Variants in DYRK1A observed in about 807,000 individuals in gnomAD.
The protein encoded by DYRK1A is dual specificity tyrosine-phosphorylation-regulated kinase 1A.
In DYRK1A, 9 loss-of-function variants were observed where a neutral mutation model predicts 79.7. The observed-to-expected ratio is 0.11, with a 90% CI of 0.07 to 0.20. DYRK1A has a LOEUF of 0.20. Ranked by LOEUF, DYRK1A falls within the 10% of genes least tolerant of loss-of-function variation. The pLI, the probability that DYRK1A is intolerant of heterozygous loss-of-function variation, is 1.00. For synonymous variants in DYRK1A, 349 were observed against 329.7 expected (o/e 1.06, Z -0.63); for missense variants, 622 against 956.0 (o/e 0.65, Z 4.61).
At chr21:37,377,501 C>T (rs1004861907) in intron 1 of DYRK1A, among the ~76,000 whole-genome samples, 1 of 152,104 alleles carries the variant, frequency 6.6e-6, no homozygotes, top group Non-Finnish European at 1.5e-5. Flanking sequence ...GACAGAGTCT[C>T]GCTGTCACTG....
At position 37,457,024 on chromosome 21, in the gene DYRK1A, AC is replaced by A. The variant is rs1251234077; in HGVS notation, c.11-15659del. Among the ~76,000 whole-genome samples the A allele has an allele frequency of 7.9e-3, 568 of 71,638 alleles. 4 individuals are homozygous for A. Among genetic ancestry groups the A allele is most frequent in the African/African-American group, 0.025 (474 of 19,286 alleles). The allele number at this position is 71,638 out of a possible 152,430, so 47.0% of individuals were successfully genotyped here. On this transcript the variant is annotated intron_variant, in intron 2 of 11. Transcript: ENST00000647188. ...AGGTAAAAAGAAAATTTACTTACTT[AC>A]TTACTTACTTACTTATTTATTTATT...
chr21:37,503,121 C>T (rs1228247689), intron 9 of DYRK1A: 1 of 151,916 alleles, frequency 6.6e-6, no homozygotes, highest in Admixed American at 6.6e-5. Flanking sequence ...TATTTTTTCT[C>T]CTGGGAGTTC....
At chr21:37,371,075 T>C (rs2049419598) in intron 1 of DYRK1A, among the ~76,000 whole-genome samples, 1 of 152,234 alleles carries the variant, frequency 6.6e-6, no homozygotes, top group Non-Finnish European at 1.5e-5. Flanking sequence ...TGTGTTTAAT[T>C]ACTTGGAAAA....
At position 37,511,986 on chromosome 21, in the gene DYRK1A, C is replaced by T. The variant is rs767840456; in HGVS notation, c.1720C>T (p.Pro574Ser). 1.2e-6 allele frequency: 2 copies of T among 1,614,186 alleles called. No homozygotes were observed. Among genetic ancestry groups the T allele is most frequent in the South Asian group, 1.1e-5 (1 of 91,070 alleles). ...TACACAGGTCACTGTTGAAACTCAT[C>T]CTGTTCAAGAAACAACCTTTCATGT... ...APTQVTVETHPVQETTFHVAP... is the reference protein window; with the variant it reads ...APTQVTVETHSVQETTFHVAP... The change falls in exon 12 of 12, where the codon CCT (proline) becomes TCT (serine). Residue 574 changes from proline (P) to serine (S), a missense_variant. By Grantham distance (74) the Pro-to-Ser change is moderately conservative. This residue lies in a region of DYRK1A where 292 missense variants were observed against 316.7 expected (regional missense o/e 0.92). Coordinates refer to ENST00000647188, the MANE Select transcript of DYRK1A (RefSeq NM_001347721.2).
intron 1 of DYRK1A, among the ~76,000 whole-genome samples, chr21:37,385,697 T>C (rs945514418): frequency 3.9e-5 from 6 of 152,234 alleles, no homozygotes; most frequent in Non-Finnish European, 5.9e-5. Context: ...TTCTTTCTTA[T>C]CGCTTCATGA....
intron 1 of DYRK1A, among the ~76,000 whole-genome samples, chr21:37,418,579 C>T (rs2050403362): frequency 6.6e-6 from 1 of 152,088 alleles, no homozygotes; most frequent in African/African-American, 2.4e-5. Flanking sequence ...TTATATAGTT[C>T]ATAGCTAGAG....
At chr21:37,462,574 TC>T (rs1479784658) in intron 2 of DYRK1A, among the ~76,000 whole-genome samples, 1 of 152,186 alleles carries the variant, frequency 6.6e-6, no homozygotes, top group Non-Finnish European at 1.5e-5. Flanking sequence ...ATGGTCCTTC[TC>T]CCAGTGCTTG....
intron 1 of DYRK1A, among the ~76,000 whole-genome samples, chr21:37,399,209 G>T (rs574142128): frequency 1.3e-5 from 2 of 152,278 alleles, no homozygotes; most frequent in East Asian, 3.9e-4. Flanking sequence ...GAAGTGGTTG[G>T]CAATGGTGGG....
In DYRK1A at chr21:37,520,533, A is replaced by G. The variant is rs2053927392; in HGVS notation, c.*8002A>G. ...AAGTATCATCCTCTCCTTGTATCAA[A>G]TATAAGGACAAAAATGTCTTAGGAT... On this transcript the variant is annotated 3_prime_UTR_variant, in exon 12 of 12. Transcript: ENST00000647188. 6.6e-6 allele frequency: 1 copy of G among 152,170 alleles called. No individual in the cohort carries two copies. The highest frequency in any genetic ancestry group is 2.1e-4 in the South Asian group (1 of 4,828). The allele number at this position is 152,170 out of a possible 1,614,324, so 9.4% of individuals were successfully genotyped here.
chr21:37,452,550 AAT>A (rs1443228663), intron 2 of DYRK1A, among the ~76,000 whole-genome samples: 1 of 152,026 alleles, frequency 6.6e-6, no homozygotes, highest in Non-Finnish European at 1.5e-5. Context: ...TTAGCTTTGG[AAT>A]CTTTTCTATA....
rs543398188 is a variant in DYRK1A, at chr21:37,425,875, T to C, written c.10+5491T>C. ...TGAGGGTGTCTGATGGACCTGAGAA[T>C]AGGAGAACCCTAAGATAACCAACAG... On this transcript the variant is annotated intron_variant, in intron 2 of 11. Transcript: ENST00000647188. 1.4e-4 allele frequency: 22 copies of C among 152,322 alleles called. 1 individual carries two copies. The highest frequency in any genetic ancestry group is 1.0e-3 in the South Asian group (5 of 4,822). The allele number at this position is 152,322 out of a possible 1,614,324, so 9.4% of individuals were successfully genotyped here.
chr21:37,503,355 C>T (rs1045975816), intron 9 of DYRK1A: 4 of 152,076 alleles, frequency 2.6e-5, no homozygotes. Flanking sequence ...TCTTCTTGTT[C>T]ACTGATTTCT....
At chr21:37,478,951 C>T (rs1161988715) in intron 4 of DYRK1A, among the ~76,000 whole-genome samples, 2 of 152,112 alleles carry the variant, frequency 1.3e-5, no homozygotes, top group Admixed American at 1.3e-4. Flanking sequence ...GTGTCTTGGA[C>T]CATTGGCTTC....
chr21:37,394,331 A>G (rs2049922983), intron 1 of DYRK1A, among the ~76,000 whole-genome samples: 1 of 151,142 alleles, frequency 6.6e-6, no homozygotes, highest in African/African-American at 2.4e-5. Flanking sequence ...GTGTATTTCT[A>G]ACTTTTGCTA....
chr21:37,374,001 G>A (rs1019650742), intron 1 of DYRK1A, among the ~76,000 whole-genome samples: 14 of 152,154 alleles, frequency 9.2e-5, no homozygotes, highest in African/African-American at 3.4e-4. Flanking sequence ...CAAATAGACC[G>A]TTATGCAAAA....
intron 2 of DYRK1A, among the ~76,000 whole-genome samples, chr21:37,442,851 T>A (rs1369644169): frequency 6.6e-6 from 1 of 152,216 alleles, no homozygotes; most frequent in Non-Finnish European, 1.5e-5. Flanking sequence ...GTTTTTTGTT[T>A]TGAGACAGGG....
At chr21:37,439,394 T>C (rs868709589) in intron 2 of DYRK1A, among the ~76,000 whole-genome samples, 1 of 152,260 alleles carries the variant, frequency 6.6e-6, no homozygotes, top group South Asian at 2.1e-4. Context: ...TTTTGTTCTT[T>C]ATGTTAGAGG....
intron 1 of DYRK1A, among the ~76,000 whole-genome samples, chr21:37,407,098 T>C (rs182301464): frequency 1.0e-3 from 154 of 152,272 alleles, no homozygotes; most frequent in African/African-American, 3.5e-3. Flanking sequence ...ATTCTTGTTA[T>C]ACACAGATAT....
rs142393701 is a variant in DYRK1A at position 37,455,517 on chromosome 21, G to A, written c.11-17167G>A. 2.0e-5 allele frequency among the ~76,000 whole-genome samples: 3 copies of A among 152,150 alleles called. No individual in the cohort carries two copies. In the East Asian group the frequency reaches 5.8e-4, roughly 29 times the overall value. On this transcript the variant is annotated intron_variant, in intron 2 of 11. Coordinates refer to ENST00000647188, the MANE Select transcript of DYRK1A (RefSeq NM_001347721.2). ...TCTTTTTTCCAAGTCACCATGGCTT[G>A]GAACCGCTGAGTCATTCTTGAATCC...
Sources: allele counts gnomAD v4.1 joint callset (sites outside exome capture counted in the v4.1 genomes callset), GRCh38; gene constraint gnomAD v4.1.1; regional missense constraint gnomAD v4.1.1; transcripts MANE v1.5; gene names NCBI Gene and HGNC (gene_info 2026-07-23, HGNC 2026-07-21).